The following NKAIN3 variants were observed in gnomAD, a reference collection of about 807,000 sequenced individuals.
NKAIN3 encodes sodium/potassium-transporting ATPase subunit beta-1-interacting protein 3.
A neutral mutation model predicts 30.2 loss-of-function variants in NKAIN3; 25 were observed. The observed-to-expected ratio is 0.83, with a 90% confidence interval of 0.60 to 1.16. The LOEUF (loss-of-function observed/expected upper bound fraction) is 1.16, where lower values mean the gene tolerates loss of function less well. Ranked by LOEUF, NKAIN3 falls within the 50% of genes most tolerant of loss-of-function variation. The pLI, the probability that NKAIN3 is intolerant of heterozygous loss-of-function variation, is 0.00. For missense variants in NKAIN3, 225 were observed against 254.1 expected, an observed-to-expected ratio of 0.89 and a Z score of 0.78; for synonymous variants, 91 against 89.6, an observed-to-expected ratio of 1.02 and a Z score of -0.09.
intron 1 of NKAIN3, among the ~76,000 whole-genome samples, chr8:62,337,245 C>T (rs537130770): frequency 1.3e-5 from 2 of 152,144 alleles, no homozygotes; most frequent in African/African-American, 4.8e-5. Context: ...TAGATCCCTT[C>T]CTCCCATATT....
chr8:62,482,474 G>C (rs548627399), intron 1 of NKAIN3: 1 of 152,338 alleles, frequency 6.6e-6, no homozygotes, highest in South Asian at 2.1e-4. Context: ...GGAGAGCTGT[G>C]GTGGGGTTGC....
rs549588014 is a variant in NKAIN3 at position 62,746,863 on chromosome 8, A to C, written c.274-69A>C. On this transcript the variant is annotated intron_variant, in intron 3 of 6. Coordinates refer to ENST00000623646, the MANE Select transcript of NKAIN3 (RefSeq NM_001304533.3). ...ATTTCATCTACCCTGAATTCTTCCTAAGGTCAAAGTCAAAGACGTGATGTA... is the reference window on the plus strand; with the variant it reads ...ATTTCATCTACCCTGAATTCTTCCTCAGGTCAAAGTCAAAGACGTGATGTA... The C allele has an allele frequency of 2.1e-4, 235 of 1,111,054 alleles. No homozygotes were observed. The Middle Eastern group carries it at 4.0e-3, about 19-fold the overall frequency. 68.8% of individuals were successfully genotyped at this position (1,111,054 alleles called of 1,614,324 possible). A position where few individuals can be genotyped will look rare whatever the true frequency, so the allele number is the denominator to read the frequency against.
intron 3 of NKAIN3, among the ~76,000 whole-genome samples, chr8:62,706,471 T>C (rs1219034125): frequency 1.3e-5 from 2 of 152,034 alleles, no homozygotes; most frequent in Non-Finnish European, 1.5e-5. Flanking sequence ...CAAGTGTAAA[T>C]TGGGTTTGTC....
At chr8:62,272,062 A>G (rs1293178112) in intron 1 of NKAIN3, among the ~76,000 whole-genome samples, 1 of 152,224 alleles carries the variant, frequency 6.6e-6, no homozygotes, top group Non-Finnish European at 1.5e-5. Flanking sequence ...AGATTCTACC[A>G]GGAAAACTGC....
intron 4 of NKAIN3, among the ~76,000 whole-genome samples, chr8:62,810,422 C>T (rs1818450756): frequency 6.6e-6 from 1 of 152,092 alleles, no homozygotes; most frequent in Non-Finnish European, 1.5e-5. Context: ...GTCTGGGTTT[C>T]AGCCTGGACC....
At chr8:62,369,307 A>T (rs1816833988) in intron 1 of NKAIN3, among the ~76,000 whole-genome samples, 1 of 152,092 alleles carries the variant, frequency 6.6e-6, no homozygotes, top group African/African-American at 2.4e-5. Flanking sequence ...CATTGTGTCT[A>T]TGAGGGTGTC....
At chr8:62,409,399 G>A (rs981574374) in intron 1 of NKAIN3, among the ~76,000 whole-genome samples, 1 of 152,082 alleles carries the variant, frequency 6.6e-6, no homozygotes, top group African/African-American at 2.4e-5. Flanking sequence ...GGTCAGGCTG[G>A]TCTCAAACTT....
At chr8:62,729,040 C>CAAAAAAAAAAACAAAAAAAA (rs1815374809) in intron 3 of NKAIN3, among the ~76,000 whole-genome samples, 1 of 61,202 alleles carries the variant, frequency 1.6e-5, no homozygotes, top group Admixed American at 2.2e-4. Flanking sequence ...AAAAAAAAAA[C>CAAAAAAAAAAACAAAAAAAA]AAAAAAAAAA....
intron 1 of NKAIN3, among the ~76,000 whole-genome samples, chr8:62,450,448 C>A (rs1044841694): frequency 1.3e-5 from 2 of 152,148 alleles, no homozygotes; most frequent in Admixed American, 6.5e-5. Flanking sequence ...GATCTGCTTA[C>A]CCAGAGCAAA....
chr8:62,791,941 C>T (rs925528033), intron 4 of NKAIN3, among the ~76,000 whole-genome samples: 122 of 152,038 alleles, frequency 8.0e-4, no homozygotes, highest in Non-Finnish European at 1.8e-4. Context: ...AGGTGTACAA[C>T]CTGATGTTTT....
intron 1 of NKAIN3, among the ~76,000 whole-genome samples, chr8:62,257,146 G>A (rs1812287247): frequency 6.6e-6 from 1 of 152,086 alleles, no homozygotes; most frequent in Non-Finnish European, 1.5e-5. Context: ...ATACAATACA[G>A]TATTATTAAC....
chr8:62,958,025 C>T (rs1563645339), intron 6 of NKAIN3, among the ~76,000 whole-genome samples: 1 of 152,022 alleles, frequency 6.6e-6, no homozygotes, highest in Non-Finnish European at 1.5e-5. Context: ...TAAAACTGCT[C>T]TTAAAATATT....
rs968513924 is a variant in NKAIN3 at position 62,351,503 on chromosome 8, A to T, written c.54+102376A>T. ...CTGACTGTTTATATTATAATATATAAAATAAATATACATATAAATATATAA... is the reference window on the plus strand; with the variant it reads ...CTGACTGTTTATATTATAATATATATAATAAATATACATATAAATATATAA... On this transcript the variant is annotated intron_variant, in intron 1 of 6. Coordinates refer to ENST00000623646, the MANE Select transcript of NKAIN3 (RefSeq NM_001304533.3). Among the ~76,000 whole-genome samples, 28 of 149,340 alleles carry T rather than the reference A, an allele frequency of 1.9e-4. 1 individual carries two copies. Among genetic ancestry groups the T allele is most frequent in the Admixed American group, 1.5e-3 (23 of 14,900 alleles).
At chr8:62,788,235 T>G (rs1817585230) in intron 4 of NKAIN3, among the ~76,000 whole-genome samples, 1 of 152,226 alleles carries the variant, frequency 6.6e-6, no homozygotes, top group Non-Finnish European at 1.5e-5. Flanking sequence ...CCATTCTAAC[T>G]GGTGTGAGAT....
At chr8:62,468,776 T>C (rs1481095924) in intron 1 of NKAIN3, among the ~76,000 whole-genome samples, 1 of 152,174 alleles carries the variant, frequency 6.6e-6, no homozygotes. Flanking sequence ...CTTAATGTCA[T>C]GTTTATGTTT....
At chr8:62,769,982 C>G (rs145091829) in intron 4 of NKAIN3, among the ~76,000 whole-genome samples, 1 of 152,196 alleles carries the variant, frequency 6.6e-6, no homozygotes, top group Non-Finnish European at 1.5e-5. Context: ...GCATAATCCT[C>G]TCCTCTTGAG....
intron 1 of NKAIN3, among the ~76,000 whole-genome samples, chr8:62,578,833 A>G (rs1185142612): frequency 6.6e-6 from 1 of 151,970 alleles, no homozygotes; most frequent in Non-Finnish European, 1.5e-5. Context: ...TGGGAGCAAA[A>G]ATTTAAAACA....
chr8:62,512,406 T>C (rs1384846726), intron 1 of NKAIN3, among the ~76,000 whole-genome samples: 1 of 152,148 alleles, frequency 6.6e-6, no homozygotes, highest in African/African-American at 2.4e-5. Context: ...GGAAACATGT[T>C]CTCACCTCTG....
At chr8:62,764,426 G>A (rs912852220) in intron 4 of NKAIN3, among the ~76,000 whole-genome samples, 1 of 152,156 alleles carries the variant, frequency 6.6e-6, no homozygotes, top group African/African-American at 2.4e-5. Flanking sequence ...TGTACTTACT[G>A]AGGTTACTTT....
Sources: gnomAD v4.1 joint callset for allele counts (sites outside exome capture counted in the v4.1 genomes callset) on GRCh38, gnomAD v4.1.1 for gene constraint, MANE v1.5 for transcripts, NCBI Gene and HGNC (gene_info 2026-07-23, HGNC 2026-07-21) for gene names.